Variants in LDLRAD4 observed in about 807,000 individuals in gnomAD.
LDLRAD4 encodes low density lipoprotein receptor class A domain containing 4, also known as low-density lipoprotein receptor class A domain-containing protein 4.
In LDLRAD4, 5 loss-of-function variants were observed where a neutral mutation model predicts 17.0. That is an observed-to-expected ratio of 0.29 (90% confidence interval 0.15 to 0.62). The LOEUF (loss-of-function observed/expected upper bound fraction) is 0.62, where lower values mean the gene tolerates loss of function less well. Ranked by LOEUF, LDLRAD4 falls within the 20% of genes least tolerant of loss-of-function variation. The pLI, the probability that LDLRAD4 is intolerant of heterozygous loss-of-function variation, is 0.84. For missense variants in LDLRAD4, 340 were observed against 424.7 expected, an observed-to-expected ratio of 0.80 and a Z score of 1.75; for synonymous variants, 168 against 171.8, an observed-to-expected ratio of 0.98 and a Z score of 0.17.
Position 13,331,729 on chromosome 18 carries a change from A to G in LDLRAD4, c.-383+53541A>G, listed in dbSNP as rs144258703. ...ATGCTTTATGATTTTTCTACTGACTATAACCATGAACAGTATACTTTTTGT... is the reference window on the plus strand; with the variant it reads ...ATGCTTTATGATTTTTCTACTGACTGTAACCATGAACAGTATACTTTTTGT... On this transcript the variant is annotated intron_variant, in intron 1 of 5. Coordinates refer to ENST00000359446, the Ensembl canonical transcript of LDLRAD4. 4.9e-4 allele frequency among the ~76,000 whole-genome samples: 75 copies of G among 152,348 alleles called. No homozygotes were observed. In the East Asian group the frequency reaches 0.014, roughly 28 times the overall value.
At chr18:13,477,480 T>C (rs753323029) in intron 3 of LDLRAD4, among the ~76,000 whole-genome samples, 3 of 152,192 alleles carry the variant, frequency 2.0e-5, no homozygotes, top group Non-Finnish European at 4.4e-5. Context: ...GCATTTCTCT[T>C]CAGTACTGGC....
intron 4 of LDLRAD4, 83 bp from the exon 6 acceptor site, chr18:13,643,276 C>T (rs2042762027): frequency 1.1e-6 from 1 of 889,490 alleles, no homozygotes; most frequent in Non-Finnish European, 1.7e-6. Context: ...AGAAGTTGTG[C>T]TTCATGTTTT....
At chr18:13,377,332 C>G (rs1231628733) in intron 1 of LDLRAD4, among the ~76,000 whole-genome samples, 2 of 152,220 alleles carry the variant, frequency 1.3e-5, no homozygotes, top group Admixed American at 6.5e-5. Flanking sequence ...TGCGTCACGT[C>G]TGTTTCCATA....
At chr18:13,632,125 A>G (rs529701382) in intron 4 of LDLRAD4, among the ~76,000 whole-genome samples, 2 of 152,246 alleles carry the variant, frequency 1.3e-5, no homozygotes, top group African/African-American at 4.8e-5. Context: ...TTGTCCCACA[A>G]TCATCTCAGT....
intron 4 of LDLRAD4, among the ~76,000 whole-genome samples, chr18:13,624,463 A>G (rs1366142159): frequency 2.0e-5 from 3 of 152,264 alleles, no homozygotes; most frequent in Non-Finnish European, 2.9e-5. Context: ...CTCCGCCACC[A>G]GCAGCACCTG....
intron 1 of LDLRAD4, among the ~76,000 whole-genome samples, chr18:13,272,292 G>A (rs181475366): frequency 3.9e-5 from 6 of 152,286 alleles, no homozygotes; most frequent in African/African-American, 1.2e-4. Context: ...GAGGGTTGTC[G>A]TGGGACTCAG....
intron 3 of LDLRAD4, among the ~76,000 whole-genome samples, chr18:13,610,305 T>TTTTTTTTTTTCC (rs1491536129): frequency 4.1e-5 from 1 of 24,328 alleles, no homozygotes; most frequent in Non-Finnish European, 8.7e-5. Context: ...TTTTTTTTTT[T>TTTTTTTTTTTCC]GAGACGGAGT....
intron 1 of LDLRAD4, among the ~76,000 whole-genome samples, chr18:13,335,646 G>C (rs1397009314): frequency 6.6e-6 from 1 of 152,178 alleles, no homozygotes; most frequent in Admixed American, 6.5e-5. Flanking sequence ...GATTCATTGG[G>C]TCAGGAATTC....
chr18:13,605,963 T>C (rs145777709), intron 3 of LDLRAD4, among the ~76,000 whole-genome samples: 1 of 152,142 alleles, frequency 6.6e-6, no homozygotes, highest in Non-Finnish European at 1.5e-5. Context: ...TGGGCGGGGC[T>C]CAAGATCGCA....
At chr18:13,295,291 C>G (rs1295870243) in intron 1 of LDLRAD4, among the ~76,000 whole-genome samples, 1 of 152,190 alleles carries the variant, frequency 6.6e-6, no homozygotes, top group African/African-American at 2.4e-5. Flanking sequence ...GAAAGCTGAG[C>G]TGGACCTTGT....
At chr18:13,636,780 G>A (rs551912086) in intron 4 of LDLRAD4, among the ~76,000 whole-genome samples, 3 of 148,542 alleles carry the variant, frequency 2.0e-5, no homozygotes, top group African/African-American at 5.0e-5. Flanking sequence ...GATCACAAGC[G>A]TAAACCACCG....
intron 3 of LDLRAD4, chr18:13,612,262 A>G (rs2039643432): frequency 5.0e-6 from 5 of 1,000,680 alleles, no homozygotes; most frequent in Non-Finnish European, 6.0e-6. Flanking sequence ...TGACACGTCC[A>G]GGTGTGAGGC....
At chr18:13,650,289 T>C (rs2043189461) in exon 6 of LDLRAD4, 1 of 406,206 alleles carries the variant, frequency 2.5e-6, no homozygotes, top group African/African-American at 2.0e-5. Context: ...CTGGATGCAT[T>C]AGGAAGCTGC....
At chr18:13,489,995 C>G (rs1204565816) in intron 3 of LDLRAD4, 2 of 152,122 alleles carry the variant, frequency 1.3e-5, no homozygotes, top group Non-Finnish European at 2.9e-5. Context: ...TTTAGGTTTT[C>G]CCCACTTGGA....
intron 2 of LDLRAD4, among the ~76,000 whole-genome samples, chr18:13,395,747 G>T (rs2086638782): frequency 7.0e-6 from 1 of 142,202 alleles, no homozygotes; most frequent in Non-Finnish European, 1.5e-5. Context: ...TTGGCGTGGG[G>T]TGGGGAGCTG....
At position 13,272,951 on chromosome 18, in the gene LDLRAD4, T is replaced by TGA. The variant is rs1237296156; in HGVS notation, c.-466-5143_-466-5142dup. On this transcript the variant is annotated intron_variant, in intron 1 of 5. Transcript: ENST00000399848. ...ATTTACTCAGAATAATGTAGTCCTG[T>TGA]GAGAGAGAGAGAAGCTAGGGAGCTG... 1.4e-4 allele frequency among the ~76,000 whole-genome samples: 21 copies of TGA among 152,074 alleles called. 1 individual carries two copies. In the South Asian group the frequency reaches 4.4e-3, roughly 32 times the overall value.
chr18:13,466,514 A>G (rs542149602), intron 3 of LDLRAD4, among the ~76,000 whole-genome samples: 1 of 151,118 alleles, frequency 6.6e-6, no homozygotes, highest in Admixed American at 6.6e-5. Context: ...ATAATATACC[A>G]CATTTATAGA....
At chr18:13,313,101 A>G (rs974078744) in intron 1 of LDLRAD4, among the ~76,000 whole-genome samples, 2 of 152,176 alleles carry the variant, frequency 1.3e-5, no homozygotes, top group Non-Finnish European at 2.9e-5. Flanking sequence ...GTCACATGCT[A>G]AAGAGGGTCC....
At chr18:13,266,473 C>G (rs1195234404) in intron 1 of LDLRAD4, among the ~76,000 whole-genome samples, 1 of 152,242 alleles carries the variant, frequency 6.6e-6, no homozygotes, top group African/African-American at 2.4e-5. Flanking sequence ...GCTTTCCTTT[C>G]CTTTCTGGCA....
Sources: allele counts gnomAD v4.1 joint callset (sites outside exome capture counted in the v4.1 genomes callset), GRCh38; gene constraint gnomAD v4.1.1; transcripts MANE v1.5; gene names NCBI Gene and HGNC (gene_info 2026-07-23, HGNC 2026-07-21).